Variants in TENM2 observed in about 807,000 individuals in gnomAD.
TENM2 encodes teneurin-2.
A neutral mutation model predicts 245.2 loss-of-function variants in TENM2; 52 were observed. The ratio of observed to expected loss-of-function variants is 0.21; its 90% CI spans 0.17 to 0.27. TENM2 has a LOEUF of 0.27. Among genes scored for constraint, TENM2 ranks in the 10% least tolerant of loss-of-function variants. TENM2 has a pLI of 1.00. For missense variants in TENM2, 3,046 were observed against 3,666.8 expected, an observed-to-expected ratio of 0.83 and a Z score of 4.37; for synonymous variants, 1,363 against 1,438.9, an observed-to-expected ratio of 0.95 and a Z score of 1.19.
chr5:167,600,885 C>G (rs1326383918), intron 2 of TENM2, among the ~76,000 whole-genome samples: 1 of 152,228 alleles, frequency 6.6e-6, no homozygotes, highest in East Asian at 1.9e-4. Flanking sequence ...TTATATATAA[C>G]TAAACGGCAT....
At chr5:168,160,564 G>T (rs1249190815) in intron 12 of TENM2, among the ~76,000 whole-genome samples, 1 of 152,194 alleles carries the variant, frequency 6.6e-6, no homozygotes, top group Non-Finnish European at 1.5e-5. Flanking sequence ...GCCCACATAG[G>T]TCTCTTCTGT....
At chr5:167,578,466 T>G (rs1425428660) in intron 2 of TENM2, among the ~76,000 whole-genome samples, 1 of 152,246 alleles carries the variant, frequency 6.6e-6, no homozygotes, top group Non-Finnish European at 1.5e-5. Context: ...GCAGATGTCA[T>G]GCCCTCATTA....
the TENM2 span, among the ~76,000 whole-genome samples, chr5:167,013,721 A>G: frequency 6.6e-6 from 1 of 152,126 alleles, no homozygotes; most frequent in Non-Finnish European, 1.5e-5. Context: ...ATAAATAAAG[A>G]AAGAAATTCA....
At chr5:167,023,565 C>T in the TENM2 span, among the ~76,000 whole-genome samples, 1 of 152,138 alleles carries the variant, frequency 6.6e-6, no homozygotes, top group Non-Finnish European at 1.5e-5. Flanking sequence ...ATAAAAATGT[C>T]ATTCTTTTGT....
At chr5:168,047,520 A>T (rs1788711445) in exon 6 of TENM2, 1 of 1,551,640 alleles carries the variant, frequency 6.4e-7, no homozygotes, top group South Asian at 1.2e-5. Context: ...GGAAACGATG[A>T]TGTGGCAACA....
chr5:167,245,515 T>TTTC, the TENM2 span, among the ~76,000 whole-genome samples: 1 of 146,118 alleles, frequency 6.8e-6, no homozygotes, highest in South Asian at 2.2e-4. Flanking sequence ...TTTCTTTTTC[T>TTTC]TTTTTTTAAG....
intron 3 of TENM2, among the ~76,000 whole-genome samples, chr5:167,941,291 G>A (rs1011519724): frequency 2.6e-5 from 4 of 152,184 alleles, no homozygotes; most frequent in Non-Finnish European, 4.4e-5. Flanking sequence ...GGAAACACAG[G>A]TCTTCTTGTG....
intron 1 of TENM2, among the ~76,000 whole-genome samples, chr5:167,361,877 T>C (rs1270655544): frequency 6.6e-6 from 1 of 152,202 alleles, no homozygotes; most frequent in Non-Finnish European, 1.5e-5. Flanking sequence ...TAGTGGAGAA[T>C]TAGTCTCTGG....
intron 2 of TENM2, among the ~76,000 whole-genome samples, chr5:167,396,640 G>T (rs1395440460): frequency 6.6e-6 from 1 of 152,128 alleles, no homozygotes; most frequent in Non-Finnish European, 1.5e-5. Context: ...TATATTCAGT[G>T]CCAGTGGCAT....
At chr5:167,918,774 C>CTT (rs36028538) in intron 3 of TENM2, among the ~76,000 whole-genome samples, 7,111 of 141,026 alleles carry the variant, frequency 0.05, 268 homozygotes, top group African/African-American at 0.097. Context: ...TATTTTTCTC[C>CTT]TTTTTTTTTT....
intron 1 of TENM2, among the ~76,000 whole-genome samples, chr5:167,372,301 A>G (rs886311552): frequency 2.6e-5 from 4 of 152,204 alleles, no homozygotes; most frequent in Admixed American, 6.5e-5. Context: ...TTTTAAATGT[A>G]TGCAAATCTT....
At chr5:167,648,316 C>T (rs1437828942) in intron 2 of TENM2, among the ~76,000 whole-genome samples, 2 of 152,170 alleles carry the variant, frequency 1.3e-5, no homozygotes, top group Non-Finnish European at 2.9e-5. Context: ...AAAAAGTATA[C>T]ACACAGAAAA....
chr5:167,655,737 G>A (rs1582666095), intron 2 of TENM2, among the ~76,000 whole-genome samples: 2 of 152,328 alleles, frequency 1.3e-5, no homozygotes, highest in Admixed American at 1.3e-4. Context: ...CAAAGTATAT[G>A]ATGGTGTCAT....
the TENM2 span, among the ~76,000 whole-genome samples, chr5:167,028,962 AT>A: frequency 1.1e-4 from 17 of 151,962 alleles, no homozygotes; most frequent in African/African-American, 3.6e-4. Context: ...TCCAGGTCTA[AT>A]TTTTTTTAAT....
intron 2 of TENM2, among the ~76,000 whole-genome samples, chr5:167,776,614 A>AAAAAAC (rs1561769400): frequency 5.0e-5 from 5 of 99,960 alleles, no homozygotes; most frequent in African/African-American, 2.2e-4. Context: ...AAAAAAAAAA[A>AAAAAAC]AAAAAAAAAA....
chr5:167,882,526 A>G (rs1773962332), intron 3 of TENM2, among the ~76,000 whole-genome samples: 1 of 152,190 alleles, frequency 6.6e-6, no homozygotes, highest in African/African-American at 2.4e-5. Context: ...GGTAATTTAT[A>G]AAGGGAAGAA....
At chr5:167,242,668 C>T in the TENM2 span, among the ~76,000 whole-genome samples, 1 of 152,128 alleles carries the variant, frequency 6.6e-6, no homozygotes, top group Non-Finnish European at 1.5e-5. Context: ...TTCTTAAGGA[C>T]ATTTTATTTT....
the TENM2 span, among the ~76,000 whole-genome samples, chr5:167,162,494 G>A: frequency 9.9e-5 from 15 of 151,898 alleles, no homozygotes; most frequent in East Asian, 2.0e-4. Flanking sequence ...TGGGTGTGGA[G>A]GCACATGCCT....
chr5:167,420,867 C>T (rs1003665261), intron 2 of TENM2, among the ~76,000 whole-genome samples: 2 of 152,044 alleles, frequency 1.3e-5, no homozygotes, highest in Non-Finnish European at 2.9e-5. Context: ...TAGAACTAAG[C>T]CTGATATGTT....
Sources: gnomAD v4.1 joint callset for allele counts (sites outside exome capture counted in the v4.1 genomes callset) on GRCh38, gnomAD v4.1.1 for gene constraint, MANE v1.5 for transcripts, NCBI Gene and HGNC (gene_info 2026-07-23, HGNC 2026-07-21) for gene names.